EYS: variants seen among roughly 807,000 people sequenced by gnomAD.
EYS encodes the protein EGF-like photoreceptor maintenance factor, also known as protein eyes shut homolog.
A neutral mutation model predicts 282.1 loss-of-function variants in EYS; 250 were observed. The observed-to-expected ratio is 0.89, with a 90% CI of 0.80 to 0.98. The LOEUF is 0.98. Ranked by LOEUF, EYS falls within the 50% of genes least tolerant of loss-of-function variation. EYS has a pLI of 0.00. For missense variants in EYS, 4,016 were observed against 3,709.0 expected (o/e 1.08, Z -2.15); for synonymous variants, 1,355 against 1,282.9 (o/e 1.06, Z -1.20).
chr6:65,077,155 G>A (rs1039398656), intron 12 of EYS, among the ~76,000 whole-genome samples: 4 of 152,128 alleles, frequency 2.6e-5, no homozygotes, highest in South Asian at 2.1e-4. Flanking sequence ...GTACTGCTAC[G>A]AGACAGGATC....
chr6:64,733,164 A>G (rs1159643540), intron 22 of EYS: 1 of 152,230 alleles, frequency 6.6e-6, no homozygotes, highest in Non-Finnish European at 1.5e-5. Flanking sequence ...CATTCTTGCT[A>G]GCTTTCATGA....
chr6:63,860,327 T>C (rs1772502391), intron 36 of EYS, among the ~76,000 whole-genome samples: 1 of 152,240 alleles, frequency 6.6e-6, no homozygotes, highest in Admixed American at 6.5e-5. Context: ...ATTGATATGT[T>C]AAGCTCTCTT....
chr6:64,369,197 G>T (rs2150412613), intron 29 of EYS, among the ~76,000 whole-genome samples: 1 of 152,112 alleles, frequency 6.6e-6, no homozygotes, highest in African/African-American at 2.4e-5. Flanking sequence ...CCTATTACTT[G>T]TTTATGTCAG....
intron 26 of EYS, among the ~76,000 whole-genome samples, chr6:64,478,758 G>A (rs1189199793): frequency 2.0e-5 from 3 of 150,758 alleles, no homozygotes; most frequent in African/African-American, 7.3e-5. Flanking sequence ...TATTTTATCT[G>A]TTTAACTCTA....
chr6:65,377,690 G>A (rs188147253), intron 8 of EYS, among the ~76,000 whole-genome samples: 2 of 152,024 alleles, frequency 1.3e-5, no homozygotes, highest in East Asian at 3.9e-4. Flanking sequence ...TGATAAAGGG[G>A]ATATCAACAC....
chr6:64,642,697 C>T (rs1469388580), intron 22 of EYS, among the ~76,000 whole-genome samples: 1 of 152,192 alleles, frequency 6.6e-6, no homozygotes, highest in Non-Finnish European at 1.5e-5. Context: ...CCAGCTAATG[C>T]ATTACTAAAA....
At chr6:64,955,942 T>C (rs1769688525) in intron 14 of EYS, among the ~76,000 whole-genome samples, 2 of 152,216 alleles carry the variant, frequency 1.3e-5, no homozygotes, top group African/African-American at 4.8e-5. Flanking sequence ...GGTGTCCACA[T>C]GCCTTATTCT....
chr6:64,642,907 G>A (rs1378084677), intron 22 of EYS, among the ~76,000 whole-genome samples: 2 of 152,194 alleles, frequency 1.3e-5, no homozygotes, highest in East Asian at 1.9e-4. Context: ...CCTGAGGTCA[G>A]GAGTTCGAGA....
chr6:64,138,890 G>A (rs1774249574), intron 31 of EYS, among the ~76,000 whole-genome samples: 1 of 152,142 alleles, frequency 6.6e-6, no homozygotes, highest in African/African-American at 2.4e-5. Flanking sequence ...TATGCCTAGT[G>A]TTCCATTATT....
chr6:64,235,449 A>G (rs529633355), intron 30 of EYS, among the ~76,000 whole-genome samples: 69 of 152,272 alleles, frequency 4.5e-4, no homozygotes, highest in African/African-American at 1.6e-3. Flanking sequence ...ATAGTATGCC[A>G]TGGTGTATAT....
rs192094888 is a variant in EYS at position 64,441,622 on chromosome 6, T to C, written c.5645-2270A>G. On this transcript the variant is annotated intron_variant, in intron 26 of 42. Transcript: ENST00000503581. ...CCCCACCCAAATCTCATTTTGTAGCTCCCACAATTCCCATGTGTTGTGGGA... is the reference window on the plus strand; with the variant it reads ...CCCCACCCAAATCTCATTTTGTAGCCCCCACAATTCCCATGTGTTGTGGGA... 3.3e-5 allele frequency among the ~76,000 whole-genome samples: 5 copies of C among 152,254 alleles called. No homozygotes were observed. In the East Asian group the frequency reaches 9.7e-4, roughly 29 times the overall value.
chr6:65,405,552 T>C (rs1766701475), intron 5 of EYS, among the ~76,000 whole-genome samples, 185 bp from the exon 6 acceptor site: 1 of 152,068 alleles, frequency 6.6e-6, no homozygotes, highest in South Asian at 2.1e-4. Context: ...TACAGTAACT[T>C]TTGCAAATGT....
At position 64,123,962 on chromosome 6, in the gene EYS, A is replaced by G. The variant is rs146710483; in HGVS notation, c.6425-41960T>C. Among the ~76,000 whole-genome samples the G allele has an allele frequency of 7.3e-3, 1,112 of 152,304 alleles. 6 individuals carry two copies. Among genetic ancestry groups the G allele is most frequent in the African/African-American group, 0.025 (1,047 of 41,564 alleles). On this transcript the variant is annotated intron_variant, in intron 31 of 42. Transcript: ENST00000503581. ...TTTGTCAGAGCTTTCTAATTTTACA[A>G]CTATTAGATAAAATGATAAGGCAGC...
chr6:64,492,759 C>T (rs1776776659), intron 26 of EYS, among the ~76,000 whole-genome samples: 1 of 151,164 alleles, frequency 6.6e-6, no homozygotes, highest in Non-Finnish European at 1.5e-5. Flanking sequence ...TGATGATAGA[C>T]ATGAGGAAGT....
chr6:64,756,876 G>A (rs1562174007), intron 22 of EYS, among the ~76,000 whole-genome samples: 1 of 144,870 alleles, frequency 6.9e-6, no homozygotes. Flanking sequence ...AAAATACAAA[G>A]CATCAGTGCT....
intron 5 of EYS, among the ~76,000 whole-genome samples, chr6:65,442,841 T>G (rs369323778): frequency 9.7e-6 from 1 of 103,480 alleles, no homozygotes; most frequent in Non-Finnish European, 2.4e-5. Flanking sequence ...TATACATACA[T>G]ATACACATAC....
intron 31 of EYS, among the ~76,000 whole-genome samples, chr6:64,181,894 G>A (rs558931189): frequency 5.9e-5 from 9 of 152,024 alleles, no homozygotes; most frequent in African/African-American, 2.2e-4. Context: ...AGTTGAAAAA[G>A]GTAAAGGACT....
chr6:65,061,626 G>A (rs1335230989), intron 12 of EYS, among the ~76,000 whole-genome samples: 2 of 151,564 alleles, frequency 1.3e-5, no homozygotes, highest in Non-Finnish European at 3.0e-5. Context: ...CTAGGTCTAT[G>A]TTTCAATTCC....
intron 34 of EYS, among the ~76,000 whole-genome samples, chr6:63,986,988 T>C (rs1405731220): frequency 1.3e-5 from 2 of 151,562 alleles, no homozygotes; most frequent in African/African-American, 4.8e-5. Context: ...AAACCATTTA[T>C]AGAAAATTAG....
Sources: gnomAD v4.1 joint callset for allele counts (sites outside exome capture counted in the v4.1 genomes callset) on GRCh38, gnomAD v4.1.1 for gene constraint, MANE v1.5 for transcripts, NCBI Gene and HGNC (gene_info 2026-07-23, HGNC 2026-07-21) for gene names.